DNAAF11: variants seen among roughly 807,000 people sequenced by gnomAD.
The protein encoded by DNAAF11 is leucine rich repeat containing 6.
In DNAAF11, 45 loss-of-function variants were observed where a neutral mutation model predicts 60.8. That is an observed-to-expected ratio of 0.74 (90% CI 0.58 to 0.95). DNAAF11 has a LOEUF of 0.95. Ranked by LOEUF, DNAAF11 falls within the 40% of genes least tolerant of loss-of-function variation. DNAAF11 has a pLI of 0.00. For missense variants in DNAAF11, 546 were observed against 546.2 expected (o/e 1.00, Z 0.00); for synonymous variants, 191 against 183.5 (o/e 1.04, Z -0.33).
chr8:132,650,900 C>A (rs1822944502), intron 3 of DNAAF11, among the ~76,000 whole-genome samples: 1 of 152,078 alleles, frequency 6.6e-6, no homozygotes, highest in South Asian at 2.1e-4. Context: ...GATAAAAAAC[C>A]CTCCAAATGT....
chr8:132,637,460 G>C (rs986353035), intron 4 of DNAAF11, among the ~76,000 whole-genome samples: 1 of 152,068 alleles, frequency 6.6e-6, no homozygotes, highest in Non-Finnish European at 1.5e-5. Context: ...ACAAAAGTAG[G>C]CAGACATGGT....
chr8:132,631,632 G>A (rs961006364), intron 5 of DNAAF11, among the ~76,000 whole-genome samples: 2 of 152,124 alleles, frequency 1.3e-5, no homozygotes, highest in African/African-American at 4.8e-5. Context: ...ACCAGCTTCA[G>A]GATAGCAGAC....
rs35402875 is a variant in DNAAF11, at chr8:132,669,940, CAAAAAAAAAAAAAA to C, written c.10+5530_10+5543del. 1.3e-4 allele frequency among the ~76,000 whole-genome samples: 9 copies of C among 69,776 alleles called. 1 individual carries two copies. In the South Asian group the frequency reaches 4.5e-3, roughly 35 times the overall value. 45.8% of individuals were successfully genotyped at this position (69,776 alleles called of 152,430 possible). A position where few individuals can be genotyped will look rare whatever the true frequency, so the allele number is the denominator to read the frequency against. On this transcript the variant is annotated intron_variant, in intron 1 of 11. Transcript: ENST00000620350. ...TGGGTGACAGAGCAAGACTCCGTCT[CAAAAAAAAAAAAAA>C]AAAAAAAAAAATTACACAGAAAAGC...
At chr8:132,692,196 TG>T in the DNAAF11 span, among the ~76,000 whole-genome samples, 2 of 104,908 alleles carry the variant, frequency 1.9e-5, no homozygotes, top group Non-Finnish European at 3.7e-5. Context: ...TTGTATAAAC[TG>T]GGGTGGGGGG....
In DNAAF11 at chr8:132,571,505, A is replaced by G. The variant is rs1814183088; in HGVS notation, c.*801T>C. ...AGTGGGATGGGGAGTAAAAAGGTGA[A>G]GAAAAAGAATAAGGGGAGAAAAGTA... On this transcript the variant is annotated 3_prime_UTR_variant, in exon 12 of 12. Transcript: ENST00000620350. 6.6e-6 allele frequency among the ~76,000 whole-genome samples: 1 copy of G among 152,088 alleles called. No individual in the cohort carries two copies. The highest frequency in any genetic ancestry group is 1.5e-5 in the Non-Finnish European group (1 of 67,998).
At position 132,657,273 on chromosome 8, in the gene DNAAF11, C is replaced by T. The variant is rs112702038; in HGVS notation, c.179-366G>A. On this transcript the variant is annotated intron_variant, in intron 2 of 11. Coordinates refer to ENST00000620350, the MANE Select transcript of DNAAF11 (RefSeq NM_012472.6). Reference sequence around the variant, plus strand: ...GCAGTCTTTTGGCAACCGTGTGATACAGGAGAGGACATGCACACCCAGTCC... The same window carrying T: ...GCAGTCTTTTGGCAACCGTGTGATATAGGAGAGGACATGCACACCCAGTCC... 6.3e-3 allele frequency among the ~76,000 whole-genome samples: 953 copies of T among 152,288 alleles called. 6 individuals carry two copies. Among genetic ancestry groups the T allele is most frequent in the African/African-American group, 0.022 (910 of 41,568 alleles).
At chr8:132,658,489 A>AT (rs1823805528) in intron 2 of DNAAF11, among the ~76,000 whole-genome samples, 2 of 152,034 alleles carry the variant, frequency 1.3e-5, no homozygotes, top group Middle Eastern at 6.8e-3. Flanking sequence ...CGCCTGGCTA[A>AT]TTTTTGTATT....
chr8:132,683,264 A>G, the DNAAF11 span, among the ~76,000 whole-genome samples: 1 of 152,332 alleles, frequency 6.6e-6, no homozygotes, highest in East Asian at 1.9e-4. Flanking sequence ...GTCTATGTAG[A>G]CCTGGGAAAA....
At chr8:132,594,136 A>G (rs1816750804) in intron 10 of DNAAF11, among the ~76,000 whole-genome samples, 1 of 152,176 alleles carries the variant, frequency 6.6e-6, no homozygotes, top group Non-Finnish European at 1.5e-5. Flanking sequence ...TTAAAAAATC[A>G]GATAAGGAAT....
chr8:132,701,482 G>A, the DNAAF11 span, among the ~76,000 whole-genome samples: 1 of 152,128 alleles, frequency 6.6e-6, no homozygotes, highest in Non-Finnish European at 1.5e-5. Context: ...CTGCCTTTCT[G>A]TTATTCAGGC....
chr8:132,572,900 C>T (rs1814356685), intron 11 of DNAAF11, among the ~76,000 whole-genome samples: 1 of 152,098 alleles, frequency 6.6e-6, no homozygotes, highest in South Asian at 2.1e-4. Context: ...CTGCTTCAGA[C>T]AATCTAACTT....
upstream of DNAAF11, among the ~76,000 whole-genome samples, chr8:132,680,442 A>G (rs770154438): frequency 7.2e-5 from 11 of 152,314 alleles, no homozygotes; most frequent in South Asian, 1.9e-3. Context: ...TGCTGGATAA[A>G]TTCTAGGGAC....
intron 10 of DNAAF11, 74 bp downstream of exon 10, chr8:132,610,092 T>C (rs1818502226): frequency 1.0e-6 from 1 of 999,812 alleles, no homozygotes; most frequent in African/African-American, 1.6e-5. Flanking sequence ...AAGTCATCAT[T>C]AGTCCTGACA....
Position 132,572,174 on chromosome 8 carries a change from G to T in DNAAF11, c.*132C>A. On this transcript the variant is annotated 3_prime_UTR_variant, in exon 12 of 12. Coordinates refer to ENST00000620350, the MANE Select transcript of DNAAF11 (RefSeq NM_012472.6). ...TTAAGGATATTACTATGCAAAGTAA[G>T]AGTTAAAACACTGGAGCAGCGATAT... is the stretch of plus-strand genomic sequence containing the variant. 1 of 680,434 alleles carries T rather than the reference G, an allele frequency of 1.5e-6. No homozygotes were observed. The highest frequency in any genetic ancestry group is 2.5e-6 in the Non-Finnish European group (1 of 404,370). 42.1% of individuals were successfully genotyped at this position (680,434 alleles called of 1,614,324 possible). A position where few individuals can be genotyped will look rare whatever the true frequency, so the allele number is the denominator to read the frequency against.
At chr8:132,698,547 T>C in the DNAAF11 span, among the ~76,000 whole-genome samples, 1 of 152,192 alleles carries the variant, frequency 6.6e-6, no homozygotes, top group Non-Finnish European at 1.5e-5. Context: ...AGAGGGCATC[T>C]TGAATAATCT....
At chr8:132,665,067 A>G (rs1824497751) in intron 1 of DNAAF11, among the ~76,000 whole-genome samples, 1 of 152,122 alleles carries the variant, frequency 6.6e-6, no homozygotes, top group Non-Finnish European at 1.5e-5. Flanking sequence ...AAAATAAATA[A>G]TTGCAGAGGA....
chr8:132,617,746 GA>G (rs1819323589), intron 7 of DNAAF11, among the ~76,000 whole-genome samples: 1 of 151,906 alleles, frequency 6.6e-6, no homozygotes, highest in Non-Finnish European at 1.5e-5. Flanking sequence ...CAAGGGATGT[GA>G]AGGACCTCTT....
chr8:132,674,813 G>A (rs1825622644), intron 1 of DNAAF11, among the ~76,000 whole-genome samples: 1 of 152,250 alleles, frequency 6.6e-6, no homozygotes, highest in South Asian at 2.1e-4. Flanking sequence ...GCTTGAACCC[G>A]GGAGGCGGAG....
chr8:132,668,046 G>C (rs1472368664), intron 1 of DNAAF11, among the ~76,000 whole-genome samples: 2 of 152,130 alleles, frequency 1.3e-5, no homozygotes, highest in East Asian at 3.9e-4. Context: ...ATTTATTGAA[G>C]ATTTTGTAGC....
Sources: allele counts gnomAD v4.1 joint callset (sites outside exome capture counted in the v4.1 genomes callset), GRCh38; gene constraint gnomAD v4.1.1; transcripts MANE v1.5; gene names NCBI Gene and HGNC (gene_info 2026-07-23, HGNC 2026-07-21).